The following CACNA1I variants were observed in gnomAD, a reference collection of about 807,000 sequenced individuals.
CACNA1I encodes the protein calcium voltage-gated channel subunit alpha1 I, also known as voltage-dependent T-type calcium channel subunit alpha-1I.
In CACNA1I, 74 loss-of-function variants were observed where a neutral mutation model predicts 201.6. The observed-to-expected ratio is 0.37, with a 90% CI of 0.30 to 0.45. CACNA1I has a LOEUF of 0.45. CACNA1I is among the 20% of genes least tolerant of loss of function. The pLI is 1.00. For missense variants in CACNA1I, 2,346 were observed against 3,138.1 expected (o/e 0.75, Z 6.03); for synonymous variants, 1,431 against 1,345.2 (o/e 1.06, Z -1.40).
intron 34 of CACNA1I, among the ~76,000 whole-genome samples, chr22:39,681,350 G>A (rs886115401): frequency 2.6e-5 from 4 of 152,190 alleles, no homozygotes; most frequent in Non-Finnish European, 4.4e-5. Context: ...ATCCCTGGCC[G>A]GCGGGGCTGT....
At position 39,629,532 on chromosome 22, in the gene CACNA1I, C is replaced by CGGCCAGGCAGGGCCAGGCAG. The variant is rs5845434; in HGVS notation, c.581-5031_581-5012dup. Among the ~76,000 whole-genome samples, 5 of 150,976 alleles carry CGGCCAGGCAGGGCCAGGCAG rather than the reference C, an allele frequency of 3.3e-5. No homozygotes were observed. Among genetic ancestry groups the CGGCCAGGCAGGGCCAGGCAG allele is most frequent in the African/African-American group, 9.8e-5 (4 of 40,954 alleles). On this transcript the variant is annotated intron_variant, in intron 4 of 36. Transcript: ENST00000402142. This position sits in a 1 kb window ranked among gnomAD's most constrained non-coding sequence, Gnocchi z 4.8. ...GTTTATCACAATGATGAATGTATGA[C>CGGCCAGGCAGGGCCAGGCAG]GGCCAGGCAGGGCCAGGCAGGACGG...
At chr22:39,624,591 G>A (rs569760684) in intron 4 of CACNA1I, among the ~76,000 whole-genome samples, 1 of 152,346 alleles carries the variant, frequency 6.6e-6, no homozygotes, top group South Asian at 2.1e-4. Context: ...GTGTTCCCCT[G>A]GAAGGGCCCT....
At position 39,679,124 on chromosome 22, in the gene CACNA1I, C is replaced by T. The variant is rs773735541; in HGVS notation, c.5073C>T (p.Cys1691=). ...CCACGCAGGACACGCTGCGGGACTG[C>T]ACCCACGACGAGCGCAGCTGCCTGA... ...NGIMKDTLRD[C]THDERSCLSS... The change falls in exon 32 of 37, where the codon TGC becomes TGT. Residue 1691 remains cysteine, a synonymous_variant. Coordinates refer to ENST00000402142, the MANE Select transcript of CACNA1I (RefSeq NM_021096.4). 1.4e-5 allele frequency: 22 copies of T among 1,593,144 alleles called. No individual in the cohort carries two copies. The highest frequency in any genetic ancestry group is 2.7e-5 in the African/African-American group (2 of 74,396).
rs571741332 is a variant in CACNA1I, at chr22:39,584,703, G to A, written c.237-13448G>A. On this transcript the variant is annotated intron_variant, in intron 1 of 36. Transcript: ENST00000402142. Reference sequence around the variant, plus strand: ...AGGGGTCTGAACCTGGGGTTCATGAGCTTGCATGGGCACAAGTTGCATATT... The same window carrying A: ...AGGGGTCTGAACCTGGGGTTCATGAACTTGCATGGGCACAAGTTGCATATT... Among the ~76,000 whole-genome samples the A allele has an allele frequency of 2.8e-4, 43 of 152,350 alleles. 1 individual carries two copies. The Middle Eastern group carries it at 0.01, about 36-fold the overall frequency.
chr22:39,680,213 C>T (rs867002417), intron 33 of CACNA1I, among the ~76,000 whole-genome samples: 1 of 152,172 alleles, frequency 6.6e-6, no homozygotes, highest in African/African-American at 2.4e-5. Context: ...GTCATCTGCC[C>T]GCTCTTCCCC....
At chr22:39,668,647 G>A (rs566930373) in intron 24 of CACNA1I, among the ~76,000 whole-genome samples, 1 of 152,200 alleles carries the variant, frequency 6.6e-6, no homozygotes, top group Admixed American at 6.5e-5. Context: ...CTGCCTGGAA[G>A]GGTGCAGAGC....
In CACNA1I at chr22:39,634,596, C is replaced by T; in HGVS notation, c.612C>T (p.Asp204=). 3 of 1,613,952 alleles carry T rather than the reference C, an allele frequency of 1.9e-6. No homozygotes were observed. Among genetic ancestry groups the T allele is most frequent in the Non-Finnish European group, 1.7e-6 (2 of 1,179,880 alleles). The part of the protein sequence containing the change: ...SMRILVNLLL[D]TLPMLGNVLL... ...GGATCCTGGTGAACCTGCTCCTGGA[C>T]ACACTGCCCATGCTGGGGAATGTCC... The change falls in exon 5 of 37, where the codon GAC becomes GAT. Residue 204 remains aspartate (D), a synonymous_variant. Transcript: ENST00000402142.
intron 4 of CACNA1I, among the ~76,000 whole-genome samples, chr22:39,624,995 A>C (rs1601472150): frequency 7.6e-6 from 1 of 130,928 alleles, no homozygotes; most frequent in Admixed American, 8.2e-5. Context: ...TGCAACCTCC[A>C]CCTCCCGGTT....
At chr22:39,581,709 T>C (rs1365060488) in intron 1 of CACNA1I, among the ~76,000 whole-genome samples, 1 of 152,226 alleles carries the variant, frequency 6.6e-6, no homozygotes, top group Admixed American at 6.5e-5. Flanking sequence ...TCCCTCAAAC[T>C]GCCTCATGGT....
At chr22:39,623,035 G>A (rs1451695540) in intron 4 of CACNA1I, among the ~76,000 whole-genome samples, 3 of 152,218 alleles carry the variant, frequency 2.0e-5, no homozygotes, top group Non-Finnish European at 4.4e-5. Context: ...CCTCTTGTCC[G>A]GTCTAGGGTC....
intron 3 of CACNA1I, among the ~76,000 whole-genome samples, chr22:39,605,855 A>C (rs997998603): frequency 6.6e-6 from 1 of 151,996 alleles, no homozygotes; most frequent in Non-Finnish European, 1.5e-5. Context: ...GAGGAAGGGA[A>C]AGGTGAGTGA....
chr22:39,625,874 T>C (rs561377330), intron 4 of CACNA1I, among the ~76,000 whole-genome samples: 9 of 134,510 alleles, frequency 6.7e-5, no homozygotes, highest in East Asian at 2.6e-4. Flanking sequence ...CTCAAGGCAC[T>C]GCCTTGCTTC....
intron 11 of CACNA1I, among the ~76,000 whole-genome samples, 167 bp from the exon 12 acceptor site, chr22:39,658,764 C>A (rs1423549124): frequency 6.6e-6 from 1 of 152,232 alleles, no homozygotes; most frequent in South Asian, 2.1e-4. Flanking sequence ...AAGTGAAGAG[C>A]CCCTGATTAG....
At chr22:39,606,201 C>T (rs748146982) in intron 3 of CACNA1I, among the ~76,000 whole-genome samples, 13 of 152,288 alleles carry the variant, frequency 8.5e-5, no homozygotes, top group Non-Finnish European at 1.3e-4. Flanking sequence ...GGGCTGCCCT[C>T]GCCTCAGTGA....
Position 39,660,415 on chromosome 22 carries a change from G to C in CACNA1I, c.2676G>C (p.Gln892His), listed in dbSNP as rs780326699. Reference protein sequence around the residue: ...SSNIEEFDKLQEGLDSSGDPK... With the variant: ...SSNIEEFDKLHEGLDSSGDPK... ...ACATAGAAGAGTTTGATAAGCTCCA[G>C]GAAGGCCTGGACAGCAGCGGAGGTA... The change falls in exon 15 of 37, where the codon CAG (glutamine) becomes CAC (histidine). Residue 892 changes from glutamine to histidine, a missense_variant. Transcript: ENST00000402142. 1 of 1,612,298 alleles carries C rather than the reference G, an allele frequency of 6.2e-7. No individual in the cohort carries two copies. Among genetic ancestry groups the C allele is most frequent in the East Asian group, 2.2e-5 (1 of 44,864 alleles).
intron 5 of CACNA1I, among the ~76,000 whole-genome samples, chr22:39,635,680 C>T (rs1338530479): frequency 6.6e-6 from 1 of 151,602 alleles, no homozygotes; most frequent in Non-Finnish European, 1.5e-5. Context: ...TGTGCCCATC[C>T]CCAGAAGAGG....
Position 39,653,525 on chromosome 22 carries a change from C to T in CACNA1I, c.1992+3600C>T, listed in dbSNP as rs886751495. ...TGGCCCAGGGCTTCCAAGGGGGGTG[C>T]AGGGAGAGAAGGAGAGGAGGAGAGG... On this transcript the variant is annotated intron_variant, in intron 10 of 36. Transcript: ENST00000402142. Among the ~76,000 whole-genome samples, 5 of 152,124 alleles carry T rather than the reference C, an allele frequency of 3.3e-5. 1 individual carries two copies. The highest frequency in any genetic ancestry group is 3.3e-4 in the Admixed American group (5 of 15,282).
chr22:39,598,048 G>A (rs781217552), intron 1 of CACNA1I, 103 bp from the exon 2 acceptor site: 48 of 684,046 alleles, frequency 7.0e-5, no homozygotes, highest in Non-Finnish European at 1.1e-4. Context: ...GGAATGGGGT[G>A]TATGCCTGTG....
At chr22:39,673,198 C>G (rs774040248) in intron 28 of CACNA1I, 116 bp downstream of exon 28, 2 of 1,112,994 alleles carry the variant, frequency 1.8e-6, no homozygotes, top group African/African-American at 3.1e-5. Context: ...CAGGAGTTTG[C>G]AGGCATGGTG....
Sources: allele counts gnomAD v4.1 joint callset (sites outside exome capture counted in the v4.1 genomes callset), GRCh38; gene constraint gnomAD v4.1.1; non-coding constraint Gnocchi (gnomAD v3.1); transcripts MANE v1.5; gene names NCBI Gene and HGNC (gene_info 2026-07-23, HGNC 2026-07-21).